ATF7IP: variants seen among roughly 807,000 people sequenced by gnomAD.
The protein encoded by ATF7IP is activating transcription factor 7 interacting protein.
In ATF7IP, 23 loss-of-function variants were observed where a neutral mutation model predicts 106.4. The ratio of observed to expected loss-of-function variants is 0.22; its 90% CI spans 0.16 to 0.31. ATF7IP has a LOEUF of 0.31. ATF7IP is among the 10% of genes least tolerant of loss of function. The pLI, the probability that ATF7IP is intolerant of heterozygous loss-of-function variation, is 1.00. For synonymous variants in ATF7IP, 542 were observed against 539.0 expected, an observed-to-expected ratio of 1.01 and a Z score of -0.08; for missense variants, 1,334 against 1,524.3, an observed-to-expected ratio of 0.88 and a Z score of 2.08.
intron 14 of ATF7IP, among the ~76,000 whole-genome samples, chr12:14,497,035 TC>T (rs1945032636): frequency 6.6e-6 from 1 of 152,208 alleles, no homozygotes; most frequent in Non-Finnish European, 1.5e-5. Context: ...ATACGTCCCC[TC>T]ACTTTACTGT....
rs781053202 is a variant in ATF7IP at position 14,456,553 on chromosome 12, T to C, written c.1996-8T>C. The C allele has an allele frequency of 6.2e-7, 1 of 1,604,350 alleles. No homozygotes were observed. Among genetic ancestry groups the C allele is most frequent in the East Asian group, 2.2e-5 (1 of 44,746 alleles). The stretch of plus-strand genomic sequence containing the variant: ...TTATTTTTACCTTGATTTTTTTTTC[T>C]CCCCCAGCATCCACCCAACCCACCA... On this transcript the variant is annotated splice_region_variant and splice_polypyrimidine_tract_variant and intron_variant, in intron 6 of 14. Transcript: ENST00000261168.
At position 14,498,250 on chromosome 12, in the gene ATF7IP, A is replaced by G; in HGVS notation, c.*177A>G. The G allele has an allele frequency of 1.6e-6, 1 of 612,862 alleles. No homozygotes were observed. The highest frequency in any genetic ancestry group is 2.8e-6 in the Non-Finnish European group (1 of 362,214). 38.0% of individuals were successfully genotyped at this position (612,862 alleles called of 1,614,324 possible). On this transcript the variant is annotated 3_prime_UTR_variant, in exon 15 of 15. Transcript: ENST00000261168. ...AAATAAACTCAGCCCACAAAGCTAG[A>G]ATCTTTTCCTGGACAGTTTAGGCTT...
intron 2 of ATF7IP, among the ~76,000 whole-genome samples, chr12:14,433,651 C>T (rs1249536543): frequency 1.3e-5 from 2 of 149,502 alleles, no homozygotes; most frequent in Admixed American, 1.3e-4. Flanking sequence ...GCCTGGGCGA[C>T]AAGAGCGAAA....
chr12:14,441,680 G>T (rs1427183861), intron 5 of ATF7IP, among the ~76,000 whole-genome samples: 1 of 151,732 alleles, frequency 6.6e-6, no homozygotes, highest in Non-Finnish European at 1.5e-5. Flanking sequence ...TAGTAGAGAT[G>T]GGGTTTCACC....
chr12:14,419,264 A>G (rs937026839), intron 1 of ATF7IP: 1 of 152,150 alleles, frequency 6.6e-6, no homozygotes, highest in Non-Finnish European at 1.5e-5. Flanking sequence ...GAGAGTTGGA[A>G]TTCAAATCTG....
chr12:14,442,814 G>A (rs1328924276), intron 5 of ATF7IP, among the ~76,000 whole-genome samples: 2 of 152,080 alleles, frequency 1.3e-5, no homozygotes, highest in African/African-American at 2.4e-5. Context: ...CTTTAAGAAC[G>A]TTTTTATGTT....
chr12:14,485,367 C>T (rs192995295), intron 13 of ATF7IP, among the ~76,000 whole-genome samples: 3 of 152,016 alleles, frequency 2.0e-5, no homozygotes, highest in East Asian at 1.9e-4. Context: ...AGTCTTTCAC[C>T]TTAGAAGGCC....
intron 2 of ATF7IP, among the ~76,000 whole-genome samples, chr12:14,426,230 A>AAC (rs1941840768): frequency 6.6e-6 from 1 of 152,206 alleles, no homozygotes; most frequent in Non-Finnish European, 1.5e-5. Flanking sequence ...TTCCTAGAGA[A>AAC]AAAGAATGAG....
intron 1 of ATF7IP, chr12:14,416,960 A>T (rs1316430202): frequency 4.1e-6 from 4 of 985,068 alleles, no homozygotes; most frequent in African/African-American, 3.5e-5. Flanking sequence ...TATGTTTGAA[A>T]AATTACAAGG....
intron 13 of ATF7IP, among the ~76,000 whole-genome samples, chr12:14,488,262 T>G (rs1944692793): frequency 6.6e-6 from 1 of 152,084 alleles, no homozygotes; most frequent in African/African-American, 2.4e-5. Flanking sequence ...ATATCTATAG[T>G]ATAAAGAGTA....
chr12:14,494,539 A>G (rs984596092), intron 13 of ATF7IP, among the ~76,000 whole-genome samples: 11 of 147,102 alleles, frequency 7.5e-5, no homozygotes, highest in Non-Finnish European at 1.2e-4. Flanking sequence ...GTATATCTTA[A>G]TTATATATAA....
chr12:14,445,773 GA>G (rs2136659508), intron 5 of ATF7IP, among the ~76,000 whole-genome samples: 1 of 152,268 alleles, frequency 6.6e-6, no homozygotes, highest in East Asian at 1.9e-4. Context: ...TCATTTTTAT[GA>G]AATGTATGCC....
At chr12:14,418,815 CT>C (rs1941341740) in intron 1 of ATF7IP, among the ~76,000 whole-genome samples, 1 of 151,962 alleles carries the variant, frequency 6.6e-6, no homozygotes, top group African/African-American at 2.4e-5. Context: ...TTCTATAATT[CT>C]TTTTAGAGTG....
chr12:14,482,966 T>C (rs1024606346), intron 13 of ATF7IP, among the ~76,000 whole-genome samples: 1 of 152,240 alleles, frequency 6.6e-6, no homozygotes, highest in Non-Finnish European at 1.5e-5. Flanking sequence ...ATAAATCTTA[T>C]GTTACGTGAT....
intron 1 of ATF7IP, among the ~76,000 whole-genome samples, chr12:14,402,277 G>A (rs1013000790): frequency 2.0e-5 from 3 of 151,560 alleles, no homozygotes; most frequent in Non-Finnish European, 2.9e-5. Flanking sequence ...AGAGACACAT[G>A]TCACTATACC....
At chr12:14,440,859 C>CT (rs751998891) in intron 5 of ATF7IP, among the ~76,000 whole-genome samples, 1 of 152,214 alleles carries the variant, frequency 6.6e-6, no homozygotes, top group Non-Finnish European at 1.5e-5. Context: ...GCCTCTTTCA[C>CT]TTAGCGTGTT....
At chr12:14,409,563 T>G (rs1023098365) in intron 1 of ATF7IP, among the ~76,000 whole-genome samples, 54 of 152,134 alleles carry the variant, frequency 3.5e-4, no homozygotes, top group Non-Finnish European at 1.6e-4. Context: ...TTGTTTTTTG[T>G]TTTTAAATAT....
At chr12:14,456,495 A>ATT in intron 6 of ATF7IP, 66 bp from the exon 7 acceptor site, 2 of 1,142,322 alleles carry the variant, frequency 1.8e-6, no homozygotes, top group South Asian at 1.3e-5. Flanking sequence ...TACAGGTCTA[A>ATT]TTTTTTTTTA....
chr12:14,446,619 C>T (rs1017950978), intron 5 of ATF7IP, among the ~76,000 whole-genome samples: 1 of 152,150 alleles, frequency 6.6e-6, no homozygotes, highest in African/African-American at 2.4e-5. Context: ...ACAGATATTT[C>T]CACTTTATAA....
Sources: allele counts gnomAD v4.1 joint callset (sites outside exome capture counted in the v4.1 genomes callset), GRCh38; gene constraint gnomAD v4.1.1; transcripts MANE v1.5; gene names NCBI Gene and HGNC (gene_info 2026-07-23, HGNC 2026-07-21).